SORCS1: variants seen among roughly 807,000 people sequenced by gnomAD.
SORCS1 encodes the protein sortilin related VPS10 domain containing receptor 1.
Under a neutral mutation model 146.1 loss-of-function variants are expected in SORCS1, and 60 were observed. The ratio of observed to expected loss-of-function variants is 0.41; its 90% confidence interval spans 0.33 to 0.51. The LOEUF (loss-of-function observed/expected upper bound fraction) is 0.51. SORCS1 is among the 20% of genes least tolerant of loss of function. The pLI is 0.21. For missense variants in SORCS1, 1,352 were observed against 1,487.6 expected, an observed-to-expected ratio of 0.91 and a Z score of 1.50; for synonymous variants, 637 against 584.0, an observed-to-expected ratio of 1.09 and a Z score of -1.31.
intron 1 of SORCS1, among the ~76,000 whole-genome samples, chr10:106,967,857 C>G (rs931240005): frequency 2.6e-5 from 4 of 151,030 alleles, no homozygotes; most frequent in African/African-American, 9.7e-5. Context: ...AGCTGTAAAA[C>G]AATAAGGAAA....
At chr10:106,724,274 C>T (rs933275875) in intron 6 of SORCS1, among the ~76,000 whole-genome samples, 24 of 151,918 alleles carry the variant, frequency 1.6e-4, no homozygotes, top group South Asian at 2.1e-4. Context: ...TTTGGGAGGC[C>T]GAGGCGGGCG....
intron 25 of SORCS1, chr10:106,577,808 T>C (rs1447897977): frequency 6.3e-6 from 3 of 475,032 alleles, no homozygotes; most frequent in Non-Finnish European, 9.9e-6. Flanking sequence ...GAAAAGACTT[T>C]TTTCTTTTTA....
At chr10:107,141,629 C>T (rs917810974) in intron 1 of SORCS1, among the ~76,000 whole-genome samples, 1 of 152,142 alleles carries the variant, frequency 6.6e-6, no homozygotes, top group East Asian at 1.9e-4. Context: ...GCAGTGGTAA[C>T]GGGCATGGGG....
chr10:106,900,244 G>A (rs768710148), intron 2 of SORCS1, among the ~76,000 whole-genome samples: 2 of 152,118 alleles, frequency 1.3e-5, no homozygotes, highest in Non-Finnish European at 2.9e-5. Flanking sequence ...AGCTACTTGA[G>A]TTCAGAGCCC....
intron 1 of SORCS1, among the ~76,000 whole-genome samples, chr10:106,984,741 T>C (rs1368520847): frequency 6.6e-6 from 1 of 152,102 alleles, no homozygotes; most frequent in African/African-American, 2.4e-5. Context: ...ATTCATGTGG[T>C]AGTAAAGAGC....
At chr10:106,744,364 C>T (rs1477711267) in intron 5 of SORCS1, among the ~76,000 whole-genome samples, 1 of 152,172 alleles carries the variant, frequency 6.6e-6, no homozygotes, top group East Asian at 1.9e-4. Flanking sequence ...CTCGGCCTCT[C>T]AAAGTCCTGG....
At chr10:106,839,696 T>C (rs1166640055) in intron 2 of SORCS1, among the ~76,000 whole-genome samples, 2 of 152,208 alleles carry the variant, frequency 1.3e-5, no homozygotes, top group South Asian at 2.1e-4. Flanking sequence ...TAGAGAGAAG[T>C]AGCCAATGCT....
intron 2 of SORCS1, among the ~76,000 whole-genome samples, chr10:106,891,577 A>G (rs1951239250): frequency 1.4e-5 from 2 of 145,608 alleles, no homozygotes; most frequent in Admixed American, 7.1e-5. Context: ...ATAGCTCACT[A>G]TAACCTCGAA....
upstream of SORCS1, among the ~76,000 whole-genome samples, chr10:107,166,459 A>G (rs1025968686): frequency 2.6e-5 from 4 of 152,234 alleles, no homozygotes; most frequent in African/African-American, 9.6e-5. Flanking sequence ...TTGAGTACCT[A>G]AAAGGACCTA....
chr10:107,179,904 C>CTTTTT, the SORCS1 span, among the ~76,000 whole-genome samples: 204 of 51,284 alleles, frequency 4.0e-3, 52 homozygotes, highest in African/African-American at 9.4e-3. Flanking sequence ...ACAAAACAGA[C>CTTTTT]TTTTTTTTTT....
intron 14 of SORCS1, 35 bp downstream of exon 14, chr10:106,675,014 A>C (rs369758125): frequency 9.9e-6 from 15 of 1,522,742 alleles, no homozygotes; most frequent in African/African-American, 8.3e-5. Context: ...ACTCTTTTCT[A>C]TGAAGGCTGG....
At position 106,926,824 on chromosome 10, in the gene SORCS1, TATATAC is replaced by T. The variant is rs752351874; in HGVS notation, c.626+29683_626+29688del. On this transcript the variant is annotated intron_variant, in intron 2 of 25. Coordinates refer to ENST00000263054, the MANE Select transcript of SORCS1 (RefSeq NM_052918.5). ...CTTCCTCCAAAATTTCTAAGGAATA[TATATAC>T]ACACACACACACACACACACACACA... Among the ~76,000 whole-genome samples, 68 of 14,568 alleles carry T rather than the reference TATATAC, an allele frequency of 4.7e-3. 1 individual carries two copies. The highest frequency in any genetic ancestry group is 0.012 in the South Asian group (2 of 164). The allele number at this position is 14,568 out of a possible 152,430, so 9.6% of individuals were successfully genotyped here.
chr10:107,023,053 C>T (rs917159858), intron 1 of SORCS1, among the ~76,000 whole-genome samples: 6 of 152,166 alleles, frequency 3.9e-5, no homozygotes, highest in African/African-American at 1.4e-4. Flanking sequence ...GTTCACGGTG[C>T]AGTATGTGTT....
chr10:106,940,744 T>C (rs1046467347), intron 2 of SORCS1, among the ~76,000 whole-genome samples: 2 of 151,948 alleles, frequency 1.3e-5, no homozygotes, highest in African/African-American at 4.8e-5. Flanking sequence ...ATTAACTGGG[T>C]ATGGTGGCAC....
intron 1 of SORCS1, among the ~76,000 whole-genome samples, chr10:107,050,984 A>G (rs931745356): frequency 6.6e-6 from 1 of 152,038 alleles, no homozygotes; most frequent in Non-Finnish European, 1.5e-5. Flanking sequence ...TGTGTGACAT[A>G]AAGTTTTCTT....
intron 2 of SORCS1, among the ~76,000 whole-genome samples, chr10:106,951,887 AGACACTTCTTTTG>A (rs1409519046): frequency 6.6e-6 from 1 of 152,154 alleles, no homozygotes; most frequent in East Asian, 1.9e-4. Flanking sequence ...ATAGTCCCAT[AGACACTTCTTTTG>A]GATAAAAATA....
At chr10:106,634,523 CT>C (rs1330419472) in intron 18 of SORCS1, among the ~76,000 whole-genome samples, 9 of 152,288 alleles carry the variant, frequency 5.9e-5, no homozygotes, top group African/African-American at 2.2e-4. Flanking sequence ...ATGATCTGTG[CT>C]TTGACTTGAC....
At chr10:106,860,242 T>C (rs541804862) in intron 2 of SORCS1, among the ~76,000 whole-genome samples, 1 of 152,366 alleles carries the variant, frequency 6.6e-6, no homozygotes, top group Admixed American at 6.5e-5. Flanking sequence ...TTGTCAGTTA[T>C]AAGGGTAAAG....
chr10:106,648,837 C>G (rs1009372519), intron 18 of SORCS1, among the ~76,000 whole-genome samples: 6 of 152,084 alleles, frequency 3.9e-5, no homozygotes, highest in Non-Finnish European at 8.8e-5. Context: ...TTTCCCAAGA[C>G]CACCCTAGCC....
Sources: gnomAD v4.1 joint callset for allele counts (sites outside exome capture counted in the v4.1 genomes callset) on GRCh38, gnomAD v4.1.1 for gene constraint, MANE v1.5 for transcripts, NCBI Gene and HGNC (gene_info 2026-07-23, HGNC 2026-07-21) for gene names.